The following BLNK variants were observed in gnomAD, a reference collection of about 807,000 sequenced individuals.
BLNK encodes B-cell linker protein.
Under a neutral mutation model 73.5 loss-of-function variants are expected in BLNK, and 29 were observed. The observed-to-expected ratio is 0.39, with a 90% CI of 0.29 to 0.54. The LOEUF is 0.54. Ranked by LOEUF, BLNK falls within the 20% of genes least tolerant of loss-of-function variation. The pLI, the probability that BLNK is intolerant of heterozygous loss-of-function variation, is 0.61. For synonymous variants in BLNK, 176 were observed against 200.8 expected (o/e 0.88, Z 1.04); for missense variants, 460 against 562.8 (o/e 0.82, Z 1.85).
rs1164986523 is a variant in BLNK, at chr10:96,189,985, C to G, written c.*1988G>C. On this transcript the variant is annotated 3_prime_UTR_variant, in exon 17 of 17. Coordinates refer to ENST00000224337, the MANE Select transcript of BLNK (RefSeq NM_013314.4). ...AAACTGTTGGCTGTACAGACATTTTCAAAGGTGCCAGTGTTATTTAATTGG... is the reference window on the plus strand; with the variant it reads ...AAACTGTTGGCTGTACAGACATTTTGAAAGGTGCCAGTGTTATTTAATTGG... 2 of 834,898 alleles carry G rather than the reference C, an allele frequency of 2.4e-6. No individual in the cohort carries two copies. Among genetic ancestry groups the G allele is most frequent in the Non-Finnish European group, 4.1e-6 (2 of 484,182 alleles). The allele number at this position is 834,898 out of a possible 1,614,324, so 51.7% of individuals were successfully genotyped here.
At chr10:96,232,035 A>G (rs1341279929) in intron 3 of BLNK, among the ~76,000 whole-genome samples, 5 of 152,196 alleles carry the variant, frequency 3.3e-5, no homozygotes, top group Non-Finnish European at 7.3e-5. Context: ...CGAATATTTG[A>G]CCCCTTTCCC....
At chr10:96,207,223 A>G (rs1554897620) in intron 10 of BLNK, among the ~76,000 whole-genome samples, 170 bp from the exon 11 acceptor site, 1 of 152,232 alleles carries the variant, frequency 6.6e-6, no homozygotes, top group East Asian at 1.9e-4. Flanking sequence ...CAACCTTTGC[A>G]TTAAGCAACA....
At chr10:96,217,549 T>C (rs587765154) in intron 6 of BLNK, among the ~76,000 whole-genome samples, 16 of 152,346 alleles carry the variant, frequency 1.1e-4, no homozygotes, top group South Asian at 8.3e-4. Flanking sequence ...TGCATTTCCC[T>C]GAAGACTAAT....
At chr10:96,239,280 ATCTGTGTT>A in intron 3 of BLNK, 1 of 397,358 alleles carries the variant, frequency 2.5e-6, no homozygotes, top group Non-Finnish European at 4.4e-6. Context: ...AGCCCCAGAG[ATCTGTGTT>A]TCTGCAGGAG....
chr10:96,228,920 T>C (rs1173556365), intron 4 of BLNK, among the ~76,000 whole-genome samples: 1 of 152,134 alleles, frequency 6.6e-6, no homozygotes, highest in African/African-American at 2.4e-5. Context: ...CAGGATTTTT[T>C]TTCCTGTTGG....
At chr10:96,204,454 A>G in intron 12 of BLNK, 78 bp downstream of exon 12, 1 of 1,408,648 alleles carries the variant, frequency 7.1e-7, no homozygotes, top group Non-Finnish European at 1.0e-6. Context: ...AGTCAGTGTC[A>G]CTGTGCAGTG....
intron 12 of BLNK, 181 bp downstream of exon 12, chr10:96,204,351 C>G: frequency 1.3e-6 from 1 of 760,058 alleles, no homozygotes; most frequent in Non-Finnish European, 2.2e-6. Context: ...TAGTAGGTCT[C>G]TGCAACTCTA....
intron 6 of BLNK, among the ~76,000 whole-genome samples, chr10:96,223,450 T>A (rs967825189): frequency 6.6e-6 from 1 of 152,082 alleles, no homozygotes; most frequent in Non-Finnish European, 1.5e-5. Flanking sequence ...GAGGCAAGAA[T>A]TGAGGTTGCT....
intron 8 of BLNK, among the ~76,000 whole-genome samples, chr10:96,215,090 G>C (rs1265573403): frequency 6.6e-6 from 1 of 152,154 alleles, no homozygotes; most frequent in Non-Finnish European, 1.5e-5. Context: ...AAGCCAGCAA[G>C]GTGCCCAGGA....
chr10:96,249,016 A>C (rs1349476353), intron 1 of BLNK, among the ~76,000 whole-genome samples: 1 of 152,256 alleles, frequency 6.6e-6, no homozygotes, highest in African/African-American at 2.4e-5. Context: ...TGACTTAAAA[A>C]ATGTATAATA....
chr10:96,201,099 T>G, intron 13 of BLNK, 41 bp from the exon 14 acceptor site: 1 of 1,547,398 alleles, frequency 6.5e-7, no homozygotes, highest in Middle Eastern at 1.7e-4. Context: ...ATCTTCATAT[T>G]TCTTGAACTC....
At chr10:96,230,615 G>T (rs1381448241) in intron 4 of BLNK, among the ~76,000 whole-genome samples, 179 bp downstream of exon 4, 1 of 152,188 alleles carries the variant, frequency 6.6e-6, no homozygotes, top group African/African-American at 2.4e-5. Context: ...TTAGCCAGGC[G>T]CACACTGAGT....
intron 1 of BLNK, among the ~76,000 whole-genome samples, chr10:96,260,661 A>G (rs1554912501): frequency 6.6e-6 from 1 of 152,170 alleles, no homozygotes; most frequent in Non-Finnish European, 1.5e-5. Context: ...ATTTTGAGGG[A>G]TGGCATTCAA....
At chr10:96,233,709 C>A (rs17111485) in intron 3 of BLNK, among the ~76,000 whole-genome samples, 29,593 of 152,114 alleles carry the variant, frequency 0.19, 3,425 homozygotes, top group East Asian at 0.48. Context: ...TTTTTCTGGG[C>A]CCTCTTGGAA....
intron 11 of BLNK, among the ~76,000 whole-genome samples, chr10:96,206,601 C>T (rs1221572731): frequency 6.8e-6 from 1 of 146,308 alleles, no homozygotes; most frequent in Non-Finnish European, 1.5e-5. Context: ...ACTAAGAAGA[C>T]AGACAATTGA....
intron 7 of BLNK, chr10:96,216,421 A>G: frequency 1.8e-6 from 1 of 568,230 alleles, no homozygotes; most frequent in Non-Finnish European, 3.2e-6. Flanking sequence ...GTGAGATGGG[A>G]AGATTAAAGC....
At chr10:96,267,374 A>G (rs76651758) in intron 1 of BLNK, among the ~76,000 whole-genome samples, 3,044 of 152,222 alleles carry the variant, frequency 0.02, 92 homozygotes, top group African/African-American at 0.069. Context: ...AGCTGAGGTG[A>G]AGAGGGAAAG....
intron 16 of BLNK, among the ~76,000 whole-genome samples, chr10:96,194,959 C>T (rs2083426925): frequency 1.3e-5 from 2 of 150,926 alleles, no homozygotes; most frequent in African/African-American, 2.4e-5. Flanking sequence ...TTAGTAGAGA[C>T]GGGGTTTCAC....
chr10:96,215,353 G>A lies in BLNK; in HGVS notation c.644C>T (p.Ser215Leu). 6.2e-7 allele frequency: 1 copy of A among 1,614,050 alleles called. No individual in the cohort carries two copies. Among genetic ancestry groups the A allele is most frequent in the Non-Finnish European group, 8.5e-7 (1 of 1,179,966 alleles). ...TGTTCCTGGAGGAGAGGCGGGCGTT[G>A]AGGAATTTGGCTTGGTTGATCTATT... ...MVNRSTKPNS[S>L]TPASPPGTAS... The change falls in exon 8 of 17, where the codon TCA becomes TTA. Residue 215 changes from serine to leucine, a missense_variant. Around this residue, in one of 3 missense-constraint regions of BLNK, gnomAD observed 233 missense variants for 232.1 expected, o/e 1.00. Coordinates refer to ENST00000224337, the MANE Select transcript of BLNK (RefSeq NM_013314.4).
Sources: gnomAD v4.1 joint callset for allele counts (sites outside exome capture counted in the v4.1 genomes callset) on GRCh38, gnomAD v4.1.1 for gene constraint, gnomAD v4.1.1 regional missense constraint, MANE v1.5 for transcripts, NCBI Gene and HGNC (gene_info 2026-07-23, HGNC 2026-07-21) for gene names.